POLE: variants seen among roughly 807,000 people sequenced by gnomAD.
POLE encodes DNA polymerase epsilon catalytic subunit A.
POLE carries 188 observed loss-of-function variants against 279.2 expected under a neutral mutation model. The ratio of observed to expected loss-of-function variants is 0.67; its 90% CI spans 0.60 to 0.76. The LOEUF (loss-of-function observed/expected upper bound fraction) is 0.76, where lower values mean the gene tolerates loss of function less well. Ranked by LOEUF, POLE falls within the 30% of genes least tolerant of loss-of-function variation. The pLI is 0.00. For synonymous variants in POLE, 1,214 were observed against 1,172.5 expected, an observed-to-expected ratio of 1.04 and a Z score of -0.72; for missense variants, 2,703 against 3,016.7, an observed-to-expected ratio of 0.90 and a Z score of 2.44.
chr12:132,676,044 G>T, intron 10 of POLE, 50 bp downstream of exon 10: 3 of 1,228,954 alleles, frequency 2.4e-6, no homozygotes, highest in Non-Finnish European at 3.5e-6. Flanking sequence ...AGATCCACAT[G>T]TCCGTTCTTC....
In POLE at chr12:132,679,591, C is replaced by G. The variant is rs759492756; in HGVS notation, c.484G>C (p.Asp162His). ...ATCTCCTTCCTCACTTTGACAAGAT[C>G]CTCCACAGTGTGGAAGGACAGCCTG... ...YIRLSFHTVE[D>H]LVKVRKEISP... Residue 162 changes from aspartate (D) to histidine (H), a missense_variant, in exon 6 of 49, where the codon GAT becomes CAT. This residue lies in a region of POLE where 1,011 missense variants were observed against 1,111.7 expected (regional missense o/e 0.91). Coordinates refer to ENST00000320574, the MANE Select transcript of POLE (RefSeq NM_006231.4). 6.2e-7 allele frequency: 1 copy of G among 1,614,072 alleles called. No homozygotes were observed. Among genetic ancestry groups the G allele is most frequent in the East Asian group, 2.2e-5 (1 of 44,878 alleles).
chr12:132,673,232 G>A lies in POLE; in HGVS notation c.1405C>T (p.Leu469=), dbSNP rs368303888. Residue 469 remains leucine, a synonymous_variant, in exon 14 of 49, where the codon CTG becomes TTG. Coordinates refer to ENST00000320574, the MANE Select transcript of POLE (RefSeq NM_006231.4). ...SVSDAVATYY[L]YMKYVHPFIF... ...AATGGGTGGACGTACTTCATGTACA[G>A]GTAGTAAGTGGCGACAGCATCTGAC... The A allele has an allele frequency of 9.7e-5, 157 of 1,613,634 alleles. 3 individuals carry two copies. In the East Asian group the frequency reaches 1.4e-3, roughly 14 times the overall value.
At position 132,632,555 on chromosome 12, in the gene POLE, A is replaced by G. The variant is rs769634003; in HGVS notation, c.6137-47T>C. On this transcript the variant is annotated intron_variant, in intron 44 of 48. Coordinates refer to ENST00000320574, the MANE Select transcript of POLE (RefSeq NM_006231.4). ...GGGAGGGGTCTGGGACCTGTCTGGCACTGGGGACCTCCCACCTGGGGGACT... is the reference window on the plus strand; with the variant it reads ...GGGAGGGGTCTGGGACCTGTCTGGCGCTGGGGACCTCCCACCTGGGGGACT... 3.1e-6 allele frequency: 5 copies of G among 1,606,934 alleles called. No homozygotes were observed. In the East Asian group the frequency reaches 6.7e-5, roughly 21 times the overall value.
At chr12:132,630,423 G>T (rs1485348820) in intron 45 of POLE, among the ~76,000 whole-genome samples, 1 of 152,120 alleles carries the variant, frequency 6.6e-6, no homozygotes, top group African/African-American at 2.4e-5. Flanking sequence ...CACCAAAGAG[G>T]ACAGACACCA....
rs1060500864 is a variant in POLE, at chr12:132,681,277, T to A, written c.65A>T (p.Asp22Val). Residue 22 changes from aspartate (D) to valine (V), a missense_variant and splice_region_variant, in exon 2 of 49, where the codon GAT (aspartate) becomes GTT (valine). Around this residue, in one of 5 missense-constraint regions of POLE, gnomAD observed 1,011 missense variants for 1,111.7 expected, o/e 0.91. Transcript: ENST00000320574. ...CGAAACTGAGGAAGTGGCGCCATCA[T>A]CCCTGAGTGAAAGAAGGGAACCCCG... The part of the protein sequence containing the change: ...DPGADGEASR[D>V]DGATSSVSAL... The A allele has an allele frequency of 6.2e-7, 1 of 1,613,960 alleles. No homozygotes were observed. The highest frequency in any genetic ancestry group is 8.5e-7 in the Non-Finnish European group (1 of 1,179,910).
chr12:132,658,088 A>C (rs1305647724), intron 26 of POLE, 118 bp from the exon 27 acceptor site: 2 of 701,808 alleles, frequency 2.8e-6, no homozygotes, highest in Non-Finnish European at 5.1e-6. Context: ...CACAAACATC[A>C]ATGTATACAT....
chr12:132,676,318 G>T, intron 9 of POLE, 114 bp from the exon 10 acceptor site: 1 of 788,912 alleles, frequency 1.3e-6, no homozygotes, highest in Non-Finnish European at 2.1e-6. Context: ...GAAGTCCACA[G>T]CAATGTGAAA....
intron 16 of POLE, among the ~76,000 whole-genome samples, chr12:132,670,031 C>T (rs1211558102): frequency 3.3e-5 from 5 of 151,106 alleles, no homozygotes; most frequent in Non-Finnish European, 1.5e-5. Context: ...ACCACACCTC[C>T]AGCCTCACTC....
chr12:132,629,434 A>C lies in POLE; in HGVS notation c.6330+2881T>G, dbSNP rs142726396. Among the ~76,000 whole-genome samples the C allele has an allele frequency of 9.1e-4, 139 of 152,302 alleles. 4 individuals are homozygous for C. The East Asian group carries it at 0.025, about 28-fold the overall frequency. ...CGGAAAATATGTTGTCAGTGTAGCC[A>C]CCTTCGCCAATGATCCCAGACAGAT... On this transcript the variant is annotated intron_variant, in intron 45 of 48. Transcript: ENST00000320574.
chr12:132,648,067 T>G (rs961884845), intron 32 of POLE, among the ~76,000 whole-genome samples: 5 of 152,200 alleles, frequency 3.3e-5, no homozygotes, highest in African/African-American at 1.2e-4. Context: ...AGAAATGTGC[T>G]GAGCCGACAC....
At chr12:132,672,427 C>A in intron 15 of POLE, 105 bp from the exon 16 acceptor site, 1 of 1,151,708 alleles carries the variant, frequency 8.7e-7, no homozygotes, top group Non-Finnish European at 1.3e-6. Flanking sequence ...CCCGAGAAAG[C>A]TCCGGAAGGA....
chr12:132,667,629 G>A lies in POLE; in HGVS notation c.2193C>T (p.Tyr731=), dbSNP rs769596366. ...CCACCTTGGTGATGTGGATCTTCTT[G>A]TAGGCTTTCCGGCAGTAATCTAAGC... The part of the protein sequence containing the change: ...RRLADYCRKA[Y]KKIHITKVEE... Residue 731 remains tyrosine (Y), a synonymous_variant, in exon 20 of 49, where the codon TAC becomes TAT. Coordinates refer to ENST00000320574, the MANE Select transcript of POLE (RefSeq NM_006231.4). The A allele has an allele frequency of 8.7e-6, 14 of 1,614,060 alleles. No homozygotes were observed. The highest frequency in any genetic ancestry group is 3.3e-4 in the Middle Eastern group (2 of 6,084).
At chr12:132,626,366 G>T in intron 45 of POLE, 49 bp from the exon 46 acceptor site, 1 of 1,575,626 alleles carries the variant, frequency 6.3e-7, no homozygotes, top group Non-Finnish European at 8.7e-7. Context: ...GGGCCTCCCT[G>T]CTGCTCTGTC....
chr12:132,677,986 T>C (rs531143430), intron 6 of POLE, among the ~76,000 whole-genome samples: 1 of 152,126 alleles, frequency 6.6e-6, no homozygotes, highest in South Asian at 2.1e-4. Context: ...GAGACGAGCC[T>C]GGCCAACACG....
chr12:132,652,532 C>T (rs946056545), intron 29 of POLE, among the ~76,000 whole-genome samples: 1 of 152,056 alleles, frequency 6.6e-6, no homozygotes, highest in African/African-American at 2.4e-5. Context: ...CTATGTTGCC[C>T]AGGCTCGTCT....
At position 132,642,219 on chromosome 12, in the gene POLE, G is replaced by C. The variant is rs774619692; in HGVS notation, c.5131C>G (p.Gln1711Glu). The C allele has an allele frequency of 1.2e-6, 2 of 1,606,658 alleles. No individual in the cohort carries two copies. Among genetic ancestry groups the C allele is most frequent in the Non-Finnish European group, 1.7e-6 (2 of 1,176,516 alleles). The change falls in exon 38 of 49, where the codon CAA (glutamine) becomes GAA (glutamate). Residue 1711 changes from glutamine to glutamate, a missense_variant. Gln to Glu is a conservative substitution (Grantham distance 29, BLOSUM62 2). Around this residue, in one of 5 missense-constraint regions of POLE, gnomAD observed 1,551 missense variants for 1,686.1 expected, o/e 0.92. Transcript: ENST00000320574. ...GAACTGTTGATCTCAACAGTGGCTT[G>C]GTCATCGAACTCCATGACAAGACAG... ...DNCLVMEFDDQATVEINSSGC... is the reference protein window; with the variant it reads ...DNCLVMEFDDEATVEINSSGC...
chr12:132,655,774 T>C (rs924062575), intron 29 of POLE, among the ~76,000 whole-genome samples: 1 of 152,214 alleles, frequency 6.6e-6, no homozygotes, highest in Non-Finnish European at 1.5e-5. Context: ...TACAGCCACA[T>C]CAGCTTTCTT....
chr12:132,657,369 T>C lies in POLE; in HGVS notation c.3439A>G (p.Ile1147Val). Residue 1147 changes from isoleucine (I) to valine (V), a missense_variant, in exon 28 of 49, where the codon ATC becomes GTC. Ile to Val is a conservative substitution (Grantham distance 29). Around this residue, in one of 5 missense-constraint regions of POLE, gnomAD observed 1,551 missense variants for 1,686.1 expected, o/e 0.92. Transcript: ENST00000320574. ...LGSAIQKIIT[I>V]PAALQQVKNP... is the part of the protein sequence containing the mutation. ...CTTACCTGCTGCAGGGCCGCAGGGA[T>C]GGTGATGATCTTCTGGATGGCGCTT... 1 of 1,613,914 alleles carries C rather than the reference T, an allele frequency of 6.2e-7. No individual in the cohort carries two copies. Among genetic ancestry groups the C allele is most frequent in the Non-Finnish European group, 8.5e-7 (1 of 1,179,972 alleles).
Position 132,632,380 on chromosome 12 carries a change from C to T in POLE, c.6265G>A (p.Val2089Ile), listed in dbSNP as rs2041950521. Reference sequence around the variant, plus strand: ...AGCAGCAAGTGGGAACCGGGGAGGACAGGAAACATCTCTGAGAGCTCAGTG... The same window carrying T: ...AGCAGCAAGTGGGAACCGGGGAGGATAGGAAACATCTCTGAGAGCTCAGTG... ...NSTELSEMFP[V>I]LPGSHLLLNN... is the part of the protein sequence containing the mutation. Residue 2089 changes from valine (V) to isoleucine (I), a missense_variant, in exon 45 of 49, where the codon GTC (valine) becomes ATC (isoleucine). Transcript: ENST00000320574. The T allele has an allele frequency of 1.2e-6, 2 of 1,614,098 alleles. No homozygotes were observed. The highest frequency in any genetic ancestry group is 1.7e-6 in the Non-Finnish European group (2 of 1,179,964).
Sources: gnomAD v4.1 joint callset for allele counts (sites outside exome capture counted in the v4.1 genomes callset) on GRCh38, gnomAD v4.1.1 for gene constraint, gnomAD v4.1.1 regional missense constraint, MANE v1.5 for transcripts, NCBI Gene and HGNC (gene_info 2026-07-23, HGNC 2026-07-21) for gene names.